The following ARL15 variants were observed in gnomAD, a reference collection of about 807,000 sequenced individuals.
ARL15 encodes the protein ARF like GTPase 15, also known as ADP-ribosylation factor-like protein 15.
A neutral mutation model predicts 25.2 loss-of-function variants in ARL15; 19 were observed. The observed-to-expected ratio is 0.75, with a 90% CI of 0.53 to 1.10. The LOEUF (loss-of-function observed/expected upper bound fraction) is 1.10, where lower values mean the gene tolerates loss of function less well. Ranked by LOEUF, ARL15 falls within the 50% of genes least tolerant of loss-of-function variation. The probability of loss-of-function intolerance (pLI) is 0.00; values close to 1 mark genes in which losing one functional copy is unlikely to be tolerated. For synonymous variants in ARL15, 94 were observed against 86.8 expected (o/e 1.08, Z -0.46); for missense variants, 220 against 246.0 (o/e 0.89, Z 0.71).
chr5:54,141,896 A>G (rs981721384), intron 3 of ARL15, among the ~76,000 whole-genome samples: 2 of 152,212 alleles, frequency 1.3e-5, no homozygotes, highest in Admixed American at 1.3e-4. Context: ...GCATGTATCA[A>G]TAGTTCATTC....
chr5:54,253,025 C>G (rs1294790664), intron 1 of ARL15, among the ~76,000 whole-genome samples: 2 of 151,946 alleles, frequency 1.3e-5, no homozygotes, highest in Non-Finnish European at 2.9e-5. Flanking sequence ...ATGCCTGGCC[C>G]AGAGGTCAAG....
intron 4 of ARL15, among the ~76,000 whole-genome samples, chr5:54,091,973 T>C (rs766096818): frequency 7.2e-5 from 11 of 151,928 alleles, no homozygotes; most frequent in Non-Finnish European, 1.3e-4. Context: ...CCAAGTCAAA[T>C]GCATTTCCGC....
intron 1 of ARL15, among the ~76,000 whole-genome samples, chr5:54,173,195 A>G (rs27375): frequency 0.41 from 61,282 of 150,228 alleles, 13,242 homozygotes; most frequent in Admixed American, 0.47. Flanking sequence ...GAAAAAAAAA[A>G]AAAAGAAAAG....
At chr5:54,289,097 G>C (rs1040848364) in intron 1 of ARL15, among the ~76,000 whole-genome samples, 1 of 152,226 alleles carries the variant, frequency 6.6e-6, no homozygotes, top group Non-Finnish European at 1.5e-5. Context: ...AGGGTGGCAA[G>C]TGTAGCATAG....
chr5:54,205,819 G>T (rs966478564), intron 1 of ARL15, among the ~76,000 whole-genome samples: 5 of 152,188 alleles, frequency 3.3e-5, no homozygotes, highest in African/African-American at 1.2e-4. Context: ...AGTAACTAAA[G>T]TTACCTGATG....
At chr5:54,045,448 G>T (rs564872627) in intron 4 of ARL15, among the ~76,000 whole-genome samples, 1 of 152,222 alleles carries the variant, frequency 6.6e-6, no homozygotes, top group South Asian at 2.1e-4. Flanking sequence ...TTCATTTATT[G>T]TAGATGTTAA....
intron 1 of ARL15, among the ~76,000 whole-genome samples, chr5:54,292,865 T>TA (rs1758369175): frequency 6.6e-6 from 1 of 152,232 alleles, no homozygotes; most frequent in African/African-American, 2.4e-5. Context: ...GAAGGTAGAC[T>TA]ACTGCCCAGG....
At position 54,299,395 on chromosome 5, in the gene ARL15, C is replaced by T. The variant is rs903637323; in HGVS notation, c.48+11037G>A. Reference sequence around the variant, plus strand: ...ATGTGAGCTCAAACATTAGCCAGACCTAGGTTCAAATTCTGGCTCCACCAT... The same window carrying T: ...ATGTGAGCTCAAACATTAGCCAGACTTAGGTTCAAATTCTGGCTCCACCAT... On this transcript the variant is annotated intron_variant, in intron 1 of 4. Transcript: ENST00000504924. 3.5e-4 allele frequency among the ~76,000 whole-genome samples: 53 copies of T among 152,164 alleles called. 1 individual carries two copies. Among genetic ancestry groups the T allele is most frequent in the African/African-American group, 1.3e-3 (52 of 41,432 alleles).
chr5:54,158,240 A>G (rs2112359516), intron 2 of ARL15, among the ~76,000 whole-genome samples: 1 of 152,298 alleles, frequency 6.6e-6, no homozygotes, highest in Non-Finnish European at 1.5e-5. Flanking sequence ...AACTCTTCCT[A>G]TTCCATTTAT....
chr5:54,114,341 T>C (rs1440278347), intron 3 of ARL15, among the ~76,000 whole-genome samples: 4 of 121,068 alleles, frequency 3.3e-5, no homozygotes. Context: ...GAGGTGGAGG[T>C]TGCAGTGAGC....
intron 4 of ARL15, among the ~76,000 whole-genome samples, chr5:53,943,361 G>A (rs1746609957): frequency 6.6e-6 from 1 of 152,116 alleles, no homozygotes. Context: ...AACAGGGAGT[G>A]AGGTCATCCA....
intron 1 of ARL15, among the ~76,000 whole-genome samples, chr5:54,241,520 G>A (rs1756956978): frequency 6.6e-6 from 1 of 151,964 alleles, no homozygotes; most frequent in African/African-American, 2.4e-5. Flanking sequence ...GATTTTTAAT[G>A]TGCTTCTCAA....
intron 3 of ARL15, among the ~76,000 whole-genome samples, chr5:54,140,467 G>GATAGATAA (rs925844849): frequency 2.2e-5 from 3 of 139,250 alleles, no homozygotes; most frequent in African/African-American, 8.0e-5. Flanking sequence ...TAGATAGATA[G>GATAGATAA]AGATAGAGAT....
chr5:53,913,505 T>A (rs1007325612), intron 4 of ARL15, among the ~76,000 whole-genome samples: 30 of 152,210 alleles, frequency 2.0e-4, no homozygotes, highest in African/African-American at 7.0e-4. Flanking sequence ...AAGCCGAAAC[T>A]ACCGTTGTTC....
chr5:54,271,509 GA>G (rs1257139936), intron 1 of ARL15, among the ~76,000 whole-genome samples: 10 of 152,156 alleles, frequency 6.6e-5, no homozygotes, highest in African/African-American at 2.2e-4. Flanking sequence ...GAATGACAAG[GA>G]AAAATATCTA....
intron 4 of ARL15, among the ~76,000 whole-genome samples, chr5:53,926,077 G>A (rs753505744): frequency 2.1e-5 from 3 of 141,888 alleles, no homozygotes; most frequent in Non-Finnish European, 4.5e-5. Context: ...ATACATCATC[G>A]CAATCCAAGT....
At chr5:54,217,200 CTTTTT>C (rs59849804) in intron 1 of ARL15, among the ~76,000 whole-genome samples, 3 of 145,228 alleles carry the variant, frequency 2.1e-5, no homozygotes, top group African/African-American at 5.0e-5. Context: ...CAATGCTTTT[CTTTTT>C]TTTTTTTTTT....
At chr5:54,200,574 G>C (rs1432812128) in intron 1 of ARL15, among the ~76,000 whole-genome samples, 1 of 151,604 alleles carries the variant, frequency 6.6e-6, no homozygotes, top group African/African-American at 2.4e-5. Context: ...ACACCAGGAA[G>C]GATAATAAAA....
At chr5:54,082,894 A>G (rs1750279282) in intron 4 of ARL15, among the ~76,000 whole-genome samples, 1 of 152,240 alleles carries the variant, frequency 6.6e-6, no homozygotes, top group African/African-American at 2.4e-5. Flanking sequence ...GCATAGTAAA[A>G]GACCTAGATT....
Sources: allele counts gnomAD v4.1 joint callset (sites outside exome capture counted in the v4.1 genomes callset), GRCh38; gene constraint gnomAD v4.1.1; transcripts MANE v1.5; gene names NCBI Gene and HGNC (gene_info 2026-07-23, HGNC 2026-07-21).